Variants in SLC35B3 observed in about 807,000 individuals in gnomAD.
The protein encoded by SLC35B3 is adenosine 3'-phospho 5'-phosphosulfate transporter 2.
SLC35B3 carries 35 observed loss-of-function variants against 44.1 expected under a neutral mutation model. The ratio of observed to expected loss-of-function variants is 0.79; its 90% confidence interval spans 0.61 to 1.05. The LOEUF (loss-of-function observed/expected upper bound fraction) is 1.05, where lower values mean the gene tolerates loss of function less well. SLC35B3 is among the 50% of genes least tolerant of loss of function. SLC35B3 has a pLI of 0.00. For missense variants in SLC35B3, 414 were observed against 476.4 expected (o/e 0.87, Z 1.22); for synonymous variants, 146 against 167.3 (o/e 0.87, Z 0.98).
At chr6:8,426,073 A>G (rs543526216) in intron 4 of SLC35B3, among the ~76,000 whole-genome samples, 2 of 152,334 alleles carry the variant, frequency 1.3e-5, no homozygotes, top group East Asian at 3.9e-4. Flanking sequence ...CGGACATCAT[A>G]TGGCAATGTT....
intron 4 of SLC35B3, among the ~76,000 whole-genome samples, chr6:8,423,745 G>T (rs1185573469): frequency 6.6e-6 from 1 of 152,106 alleles, no homozygotes; most frequent in African/African-American, 2.4e-5. Flanking sequence ...CAATTAAAAT[G>T]CATCATTTAC....
At chr6:8,424,078 G>A (rs1232466876) in intron 4 of SLC35B3, among the ~76,000 whole-genome samples, 1 of 152,168 alleles carries the variant, frequency 6.6e-6, no homozygotes, top group Non-Finnish European at 1.5e-5. Context: ...AGCCTGACAG[G>A]GGAACTAAAT....
rs1409165390 is a variant in SLC35B3, at chr6:8,412,396, G to GA, written c.*1152dup. 3.3e-5 allele frequency among the ~76,000 whole-genome samples: 5 copies of GA among 151,742 alleles called. No individual in the cohort carries two copies. The highest frequency in any genetic ancestry group is 6.6e-5 in the Admixed American group (1 of 15,238). On this transcript the variant is annotated 3_prime_UTR_variant, in exon 11 of 11. Coordinates refer to ENST00000644923, the MANE Select transcript of SLC35B3 (RefSeq NM_001370476.2). ...TTCCAAATTAAATCTTACTTTTATG[G>GA]AAAAAACTAGGATAATTTTATAATT...
At chr6:8,429,602 A>G (rs1300498516) in intron 3 of SLC35B3, among the ~76,000 whole-genome samples, 2 of 152,142 alleles carry the variant, frequency 1.3e-5, no homozygotes, top group Non-Finnish European at 2.9e-5. Flanking sequence ...GGAAGCACAC[A>G]TTTTGTTAAA....
chr6:8,433,718 A>G lies in SLC35B3; in HGVS notation c.3+667T>C, dbSNP rs1264699308. The stretch of plus-strand genomic sequence containing the variant: ...TAAATTTGTTTCCTCTGCCTGAGGC[A>G]TCAGTCTCATAAAACTTGCCCACCA... On this transcript the variant is annotated intron_variant, in intron 2 of 10. Transcript: ENST00000644923. The surrounding 1 kb of genome is among the most constrained non-coding windows in gnomAD (Gnocchi z 4.1). Among the ~76,000 whole-genome samples the G allele has an allele frequency of 1.3e-5, 2 of 152,182 alleles. No individual in the cohort carries two copies. Among genetic ancestry groups the G allele is most frequent in the African/African-American group, 4.8e-5 (2 of 41,440 alleles).
Position 8,433,367 on chromosome 6 carries a change from G to A in SLC35B3, c.3+1018C>T, listed in dbSNP as rs191783832. ...TAAATGATAATGGTATAGCTTTTTC[G>A]TTTTTATACTTGTTTCTCCTAAAAG... On this transcript the variant is annotated intron_variant, in intron 2 of 10. Coordinates refer to ENST00000644923, the MANE Select transcript of SLC35B3 (RefSeq NM_001370476.2). This position sits in a 1 kb window ranked among gnomAD's most constrained non-coding sequence, Gnocchi z 4.1. 1.3e-5 allele frequency among the ~76,000 whole-genome samples: 2 copies of A among 152,094 alleles called. No homozygotes were observed. Among genetic ancestry groups the A allele is most frequent in the Admixed American group, 6.5e-5 (1 of 15,288 alleles).
At position 8,427,986 on chromosome 6, in the gene SLC35B3, A is replaced by G. The variant is rs779708076; in HGVS notation, c.370T>C (p.Ser124Pro). 1 of 1,612,578 alleles carries G rather than the reference A, an allele frequency of 6.2e-7. No individual in the cohort carries two copies. Among genetic ancestry groups the G allele is most frequent in the South Asian group, 1.1e-5 (1 of 90,914 alleles). The stretch of plus-strand genomic sequence containing the variant: ...TGAAGTTCTATTAGGCCAAATATGG[A>G]GTAAAAGGCAAACTGCACTAAGGTA... Residue 124 changes from serine to proline, a missense_variant, in exon 4 of 11, where the codon TCC becomes CCC. Ser to Pro is a moderately conservative substitution (Grantham distance 74, BLOSUM62 -1). Transcript: ENST00000644923.
At chr6:8,428,176 A>G in intron 3 of SLC35B3, 118 bp from the exon 3 acceptor site, 1 of 934,758 alleles carries the variant, frequency 1.1e-6, no homozygotes, top group Non-Finnish European at 1.5e-6. Context: ...ACAACAACAA[A>G]ATGTAAATTA....
chr6:8,418,104 A>C (rs925279153), intron 7 of SLC35B3, among the ~76,000 whole-genome samples: 1 of 152,122 alleles, frequency 6.6e-6, no homozygotes, highest in Non-Finnish European at 1.5e-5. Context: ...TAGTTATCAT[A>C]ATCCAATTTC....
chr6:8,435,406 G>A lies in SLC35B3; in HGVS notation c.-107C>T. Reference sequence around the variant, plus strand: ...CTGCGTGGCGTCTGAGCTAGACGGAGCATCTCCCCCTCCCCTGGTCCGTCG... The same window carrying A: ...CTGCGTGGCGTCTGAGCTAGACGGAACATCTCCCCCTCCCCTGGTCCGTCG... On this transcript the variant is annotated 5_prime_UTR_variant, in exon 1 of 11. Transcript: ENST00000644923. This position sits in a 1 kb window ranked among gnomAD's most constrained non-coding sequence, Gnocchi z 5.5. 7.8e-7 allele frequency: 1 copy of A among 1,287,658 alleles called. No homozygotes were observed. The highest frequency in any genetic ancestry group is 1.2e-5 in the South Asian group (1 of 80,962). 79.8% of individuals were successfully genotyped at this position (1,287,658 alleles called of 1,614,324 possible).
chr6:8,425,304 T>C (rs1054765750), intron 4 of SLC35B3, among the ~76,000 whole-genome samples: 1 of 152,166 alleles, frequency 6.6e-6, no homozygotes, highest in Admixed American at 6.5e-5. Context: ...GAAGGCCCAG[T>C]AGTTTGTAAT....
At chr6:8,431,150 A>G (rs1763945753) in intron 2 of SLC35B3, among the ~76,000 whole-genome samples, 1 of 152,216 alleles carries the variant, frequency 6.6e-6, no homozygotes, top group Non-Finnish European at 1.5e-5. Flanking sequence ...TTGGATTTAT[A>G]TAAACTGAAA....
rs1047235242 is a variant in SLC35B3 at position 8,412,755 on chromosome 6, G to A, written c.*794C>T. Among the ~76,000 whole-genome samples, 2 of 152,248 alleles carry A rather than the reference G, an allele frequency of 1.3e-5. No individual in the cohort carries two copies. The highest frequency in any genetic ancestry group is 3.9e-4 in the East Asian group (2 of 5,174). ...TCATCAGGCATTAGATTCTCAAAAG[G>A]AGTGTACAACCCAAACCCCTTGCAT... is the stretch of plus-strand genomic sequence containing the variant. On this transcript the variant is annotated 3_prime_UTR_variant, in exon 11 of 11. Coordinates refer to ENST00000644923, the MANE Select transcript of SLC35B3 (RefSeq NM_001370476.2).
chr6:8,412,131 A>G lies in SLC35B3; in HGVS notation c.*1418T>C, dbSNP rs991311416. Among the ~76,000 whole-genome samples, 16 of 152,184 alleles carry G rather than the reference A, an allele frequency of 1.1e-4. No homozygotes were observed. Among genetic ancestry groups the G allele is most frequent in the African/African-American group, 3.6e-4 (15 of 41,452 alleles). ...GGGAGCTTGTTTGGCCCTTCATCAT[A>G]TAAGGACATAATGAGAAGGCTCCTT... On this transcript the variant is annotated 3_prime_UTR_variant, in exon 11 of 11. Coordinates refer to ENST00000644923, the MANE Select transcript of SLC35B3 (RefSeq NM_001370476.2).
chr6:8,414,001 G>A (rs561681718), intron 10 of SLC35B3, among the ~76,000 whole-genome samples: 5 of 152,166 alleles, frequency 3.3e-5, no homozygotes, highest in South Asian at 2.1e-4. Flanking sequence ...ACCAAAAGTC[G>A]TAAAAGTACA....
Position 8,427,977 on chromosome 6 carries a change from CA to C in SLC35B3, c.378del (p.Phe126LeufsTer3). The C allele has an allele frequency of 6.2e-7, 1 of 1,611,986 alleles. No homozygotes were observed. Among genetic ancestry groups the C allele is most frequent in the Non-Finnish European group, 8.5e-7 (1 of 1,178,812 alleles). On this transcript the variant is annotated frameshift_variant, in exon 4 of 11. Transcript: ENST00000644923. LOFTEE classifies it high-confidence loss of function. Reference sequence around the variant, plus strand: ...TGAATAAGCTGAAGTTCTATTAGGCCAAATATGGAGTAAAAGGCAAACTGCA... The same window carrying C: ...TGAATAAGCTGAAGTTCTATTAGGCCAATATGGAGTAAAAGGCAAACTGCA...
chr6:8,416,052 T>A (rs1762387023), intron 9 of SLC35B3, among the ~76,000 whole-genome samples: 1 of 152,184 alleles, frequency 6.6e-6, no homozygotes, highest in Non-Finnish European at 1.5e-5. Context: ...CACTGGAACC[T>A]GGCTCTGGTT....
At chr6:8,424,613 C>T (rs1642315107) in intron 4 of SLC35B3, among the ~76,000 whole-genome samples, 1 of 152,114 alleles carries the variant, frequency 6.6e-6, no homozygotes, top group Non-Finnish European at 1.5e-5. Context: ...GAGCACTCTC[C>T]TTAATTAGAA....
At chr6:8,422,660 A>G in intron 4 of SLC35B3, 36 bp from the exon 4 acceptor site, 1 of 1,550,176 alleles carries the variant, frequency 6.5e-7, no homozygotes, top group East Asian at 2.3e-5. Context: ...TCATTTTGGG[A>G]CCCAATTCAT....
Sources: allele counts gnomAD v4.1 joint callset (sites outside exome capture counted in the v4.1 genomes callset), GRCh38; gene constraint gnomAD v4.1.1; non-coding constraint Gnocchi (gnomAD v3.1); transcripts MANE v1.5; gene names NCBI Gene and HGNC (gene_info 2026-07-23, HGNC 2026-07-21).